IGF2BP2: variants seen among roughly 807,000 people sequenced by gnomAD.
IGF2BP2 encodes the protein insulin like growth factor 2 mRNA binding protein 2.
In IGF2BP2, 17 loss-of-function variants were observed where a neutral mutation model predicts 75.8. That is an observed-to-expected ratio of 0.22 (90% confidence interval 0.15 to 0.34). IGF2BP2 has a LOEUF of 0.34. IGF2BP2 is among the 10% of genes least tolerant of loss of function. The pLI, the probability that IGF2BP2 is intolerant of heterozygous loss-of-function variation, is 1.00. For synonymous variants in IGF2BP2, 288 were observed against 295.6 expected (o/e 0.97, Z 0.26); for missense variants, 516 against 772.4 (o/e 0.67, Z 3.93).
At chr3:185,689,750 C>T (rs1261948779) in intron 5 of IGF2BP2, 123 bp from the exon 6 acceptor site, 26 of 1,056,372 alleles carry the variant, frequency 2.5e-5, no homozygotes, top group African/African-American at 1.1e-4. Flanking sequence ...GGGTGGATCA[C>T]GAGGTCAGGA....
At chr3:185,778,724 G>A (rs889491401) in intron 2 of IGF2BP2, among the ~76,000 whole-genome samples, 6 of 152,170 alleles carry the variant, frequency 3.9e-5, no homozygotes, top group African/African-American at 1.4e-4. Context: ...TTGGTGTCTT[G>A]TTTTCTCAAC....
In IGF2BP2 at chr3:185,645,235, G is replaced by A; in HGVS notation, c.*296C>T. On this transcript the variant is annotated 3_prime_UTR_variant, in exon 16 of 16. Transcript: ENST00000382199. The surrounding 1 kb of genome is among the most constrained non-coding windows in gnomAD (Gnocchi z 4.9). ...GTTCAACTAAAAGGGATAGCGTCGT[G>A]GGAGTTCAGGAGAGATCCGAGTGGA... 2 of 453,906 alleles carry A rather than the reference G, an allele frequency of 4.4e-6. No homozygotes were observed. Among genetic ancestry groups the A allele is most frequent in the Non-Finnish European group, 4.0e-6 (1 of 250,720 alleles). The allele number at this position is 453,906 out of a possible 1,614,324, so 28.1% of individuals were successfully genotyped here. A position where few individuals can be genotyped will look rare whatever the true frequency, so the allele number is the denominator to read the frequency against.
chr3:185,737,072 T>C (rs1728953431), intron 2 of IGF2BP2, among the ~76,000 whole-genome samples: 1 of 152,260 alleles, frequency 6.6e-6, no homozygotes, highest in Non-Finnish European at 1.5e-5. Context: ...AATTTGTATT[T>C]CTTTTTATAT....
chr3:185,824,240 G>A (rs1028511828), intron 1 of IGF2BP2, among the ~76,000 whole-genome samples: 4 of 150,438 alleles, frequency 2.7e-5, no homozygotes, highest in Admixed American at 2.6e-4. Flanking sequence ...AAAGTGGGGG[G>A]CCGTGGGGCG....
Position 185,784,250 on chromosome 3 carries a change from GTAGA to G in IGF2BP2, c.239+38899_239+38902del, listed in dbSNP as rs748976983. 2.9e-4 allele frequency among the ~76,000 whole-genome samples: 38 copies of G among 130,440 alleles called. 1 individual carries two copies. The highest frequency in any genetic ancestry group is 8.4e-4 in the African/African-American group (24 of 28,478). 85.6% of individuals were successfully genotyped at this position (130,440 alleles called of 152,430 possible). On this transcript the variant is annotated intron_variant, in intron 2 of 15. Coordinates refer to ENST00000382199, the MANE Select transcript of IGF2BP2 (RefSeq NM_006548.6). ...ACTTTGTCTCTAAATAAATAAACAAGTAGATAGATAGATAGATAGACAGACAGAC... is the reference window on the plus strand; with the variant it reads ...ACTTTGTCTCTAAATAAATAAACAAGTAGATAGATAGATAGACAGACAGAC...
At chr3:185,648,749 CTG>C (rs767066637) in intron 14 of IGF2BP2, among the ~76,000 whole-genome samples, 100 of 152,352 alleles carry the variant, frequency 6.6e-4, no homozygotes, top group East Asian at 7.7e-4. Context: ...TCAAACTACA[CTG>C]TGTTTGTTCC....
chr3:185,724,090 A>G (rs1726969507), intron 2 of IGF2BP2, among the ~76,000 whole-genome samples: 1 of 152,194 alleles, frequency 6.6e-6, no homozygotes, highest in Non-Finnish European at 1.5e-5. Context: ...AAAAGTCCTA[A>G]GTGGCACCAG....
chr3:185,816,799 C>CA (rs1295601092), intron 2 of IGF2BP2, among the ~76,000 whole-genome samples: 3 of 151,950 alleles, frequency 2.0e-5, no homozygotes, highest in African/African-American at 7.2e-5. Context: ...AAGATGCAGG[C>CA]AAAAAATACT....
intron 2 of IGF2BP2, among the ~76,000 whole-genome samples, chr3:185,746,616 T>A (rs1323738514): frequency 6.6e-6 from 1 of 152,190 alleles, no homozygotes. Context: ...ATTTAACTTA[T>A]AAGCTTTGTG....
At chr3:185,780,367 T>C (rs557210324) in intron 2 of IGF2BP2, among the ~76,000 whole-genome samples, 1 of 152,168 alleles carries the variant, frequency 6.6e-6, no homozygotes, top group Admixed American at 6.5e-5. Context: ...GTGGGACAAA[T>C]ATTTTTCAAG....
intron 9 of IGF2BP2, 130 bp from the exon 10 acceptor site, chr3:185,672,799 C>T (rs2149218082): frequency 1.0e-6 from 1 of 988,604 alleles, no homozygotes; most frequent in Non-Finnish European, 1.5e-6. Flanking sequence ...CTCTTCCTAC[C>T]CTGTATCAGA....
At chr3:185,660,221 T>G (rs538730955) in intron 10 of IGF2BP2, among the ~76,000 whole-genome samples, 10 of 152,326 alleles carry the variant, frequency 6.6e-5, no homozygotes, top group African/African-American at 2.4e-4. Flanking sequence ...CTGGGCACCA[T>G]GGAACCAATT....
At chr3:185,783,668 A>C (rs1735498165) in intron 2 of IGF2BP2, among the ~76,000 whole-genome samples, 1 of 152,208 alleles carries the variant, frequency 6.6e-6, no homozygotes, top group African/African-American at 2.4e-5. Context: ...CCAGTAGCTC[A>C]GCTATGCTTC....
intron 2 of IGF2BP2, among the ~76,000 whole-genome samples, chr3:185,753,823 G>T (rs1215436793): frequency 6.6e-6 from 1 of 152,076 alleles, no homozygotes; most frequent in African/African-American, 2.4e-5. Context: ...GGATCATGGG[G>T]GTGGATCCCT....
intron 2 of IGF2BP2, among the ~76,000 whole-genome samples, chr3:185,779,527 A>G (rs1442881394): frequency 1.3e-5 from 2 of 152,204 alleles, no homozygotes; most frequent in Admixed American, 1.3e-4. Context: ...CACCCATAAA[A>G]TAACTTCCAC....
intron 2 of IGF2BP2, among the ~76,000 whole-genome samples, chr3:185,795,938 T>C (rs1244245489): frequency 8.5e-5 from 13 of 152,144 alleles, no homozygotes; most frequent in Non-Finnish European, 1.5e-5. Context: ...TTCTTAAACT[T>C]AGCTTTACTT....
At chr3:185,811,249 G>T (rs1266674919) in intron 2 of IGF2BP2, among the ~76,000 whole-genome samples, 4 of 152,112 alleles carry the variant, frequency 2.6e-5, no homozygotes, top group Non-Finnish European at 5.9e-5. Context: ...TTGATTTTGA[G>T]TTTCCAAACA....
intron 2 of IGF2BP2, among the ~76,000 whole-genome samples, chr3:185,809,091 GGTTTTTT>G (rs766622187): frequency 2.1e-4 from 32 of 150,778 alleles, no homozygotes; most frequent in Non-Finnish European, 3.4e-4. Context: ...TAGCTAGTTG[GGTTTTTT>G]GTTTTTTGTT....
At chr3:185,702,497 T>C (rs1489715799) in intron 2 of IGF2BP2, among the ~76,000 whole-genome samples, 1 of 152,214 alleles carries the variant, frequency 6.6e-6, no homozygotes, top group Non-Finnish European at 1.5e-5. Context: ...CTTTGTCCTT[T>C]AAAATAATAA....
Sources: gnomAD v4.1 joint callset for allele counts (sites outside exome capture counted in the v4.1 genomes callset) on GRCh38, gnomAD v4.1.1 for gene constraint, Gnocchi (gnomAD v3.1) non-coding constraint, MANE v1.5 for transcripts, NCBI Gene and HGNC (gene_info 2026-07-23, HGNC 2026-07-21) for gene names.